The following PARD3B variants were observed in gnomAD, a reference collection of about 807,000 sequenced individuals.
PARD3B encodes the protein partitioning defective 3 homolog B.
Under a neutral mutation model 130.2 loss-of-function variants are expected in PARD3B, and 103 were observed. That is an observed-to-expected ratio of 0.79 (90% CI 0.67 to 0.93). The LOEUF is 0.93. Ranked by LOEUF, PARD3B falls within the 40% of genes least tolerant of loss-of-function variation. The probability of loss-of-function intolerance (pLI) is 0.00; values close to 1 mark genes in which losing one functional copy is unlikely to be tolerated. For missense variants in PARD3B, 1,609 were observed against 1,499.2 expected (o/e 1.07, Z -1.21); for synonymous variants, 583 against 553.2 (o/e 1.05, Z -0.76).
chr2:205,009,528 G>A (rs995823238), intron 3 of PARD3B, among the ~76,000 whole-genome samples: 13 of 151,876 alleles, frequency 8.6e-5, no homozygotes, highest in African/African-American at 1.5e-4. Flanking sequence ...AAAATTAGCC[G>A]GGCATGGTGG....
chr2:204,785,823 AT>A (rs1342516249), intron 2 of PARD3B, among the ~76,000 whole-genome samples: 1 of 152,204 alleles, frequency 6.6e-6, no homozygotes, highest in Non-Finnish European at 1.5e-5. Flanking sequence ...CCATTCAAAT[AT>A]CAAAATGGGT....
chr2:204,821,478 C>T (rs1300612226), intron 2 of PARD3B, among the ~76,000 whole-genome samples: 1 of 144,590 alleles, frequency 6.9e-6, no homozygotes, highest in Non-Finnish European at 1.5e-5. Flanking sequence ...CATATTCTCA[C>T]TCATAGGTGG....
intron 11 of PARD3B, among the ~76,000 whole-genome samples, chr2:205,165,718 C>T (rs988968933): frequency 1.5e-5 from 2 of 133,694 alleles, no homozygotes; most frequent in African/African-American, 5.6e-5. Context: ...GAGACTCTGT[C>T]TCAAAAATAA....
At chr2:205,156,171 C>A (rs2034119236) in intron 10 of PARD3B, among the ~76,000 whole-genome samples, 1 of 146,296 alleles carries the variant, frequency 6.8e-6, no homozygotes, top group African/African-American at 2.5e-5. Context: ...GACAAAAAAC[C>A]AAACACCACA....
Position 205,590,793 on chromosome 2 carries a change from A to G in PARD3B, c.3261-24663A>G, listed in dbSNP as rs1358159072. Among the ~76,000 whole-genome samples, 1 of 152,160 alleles carries G rather than the reference A, an allele frequency of 6.6e-6. No homozygotes were observed. Among genetic ancestry groups the G allele is most frequent in the Non-Finnish European group, 1.5e-5 (1 of 68,032 alleles). ...CCACATATTCACAAGAAGTAGGATG[A>G]GTACCAAATCCCTAAAAAATGTTCT... On this transcript the variant is annotated intron_variant, in intron 22 of 22. Coordinates refer to ENST00000406610, the MANE Select transcript of PARD3B (RefSeq NM_001302769.2). This position sits in a 1 kb window ranked among gnomAD's most constrained non-coding sequence, Gnocchi z 4.1.
At chr2:204,731,576 T>C (rs1400343634) in intron 2 of PARD3B, among the ~76,000 whole-genome samples, 2 of 152,066 alleles carry the variant, frequency 1.3e-5, no homozygotes, top group South Asian at 4.1e-4. Flanking sequence ...AAGGTGAGAG[T>C]TGACTTTTCT....
intron 11 of PARD3B, among the ~76,000 whole-genome samples, chr2:205,162,653 T>C (rs902157227): frequency 3.3e-5 from 5 of 152,254 alleles, no homozygotes; most frequent in African/African-American, 1.2e-4. Context: ...TGAGAATGAT[T>C]TTCTAAAATG....
intron 2 of PARD3B, among the ~76,000 whole-genome samples, chr2:204,888,767 G>A (rs2046349619): frequency 6.7e-6 from 1 of 149,470 alleles, no homozygotes; most frequent in Non-Finnish European, 1.5e-5. Flanking sequence ...GAGGGACCAA[G>A]ATGAGGAGGC....
At chr2:205,370,854 CT>C (rs10708429) in intron 18 of PARD3B, among the ~76,000 whole-genome samples, 2,906 of 152,230 alleles carry the variant, frequency 0.019, 84 homozygotes, top group African/African-American at 0.066. Flanking sequence ...TTTGCCTTGG[CT>C]TGACAGCTGT....
At chr2:205,152,706 C>T (rs1431634480) in intron 10 of PARD3B, among the ~76,000 whole-genome samples, 2 of 152,138 alleles carry the variant, frequency 1.3e-5, no homozygotes, top group East Asian at 3.9e-4. Context: ...CGAATATCCT[C>T]CTTTAGCTCG....
intron 2 of PARD3B, among the ~76,000 whole-genome samples, chr2:204,848,984 G>A (rs1306863385): frequency 6.6e-6 from 1 of 151,994 alleles, no homozygotes; most frequent in Non-Finnish European, 1.5e-5. Context: ...CTCTTGTTAA[G>A]ATTCTTTAAG....
intron 2 of PARD3B, among the ~76,000 whole-genome samples, chr2:204,715,377 T>G (rs767082766): frequency 9.2e-5 from 14 of 152,172 alleles, no homozygotes; most frequent in Non-Finnish European, 1.9e-4. Context: ...GGTGGATTCT[T>G]TTTCCTGTAG....
chr2:204,856,508 G>C, intron 2 of PARD3B, among the ~76,000 whole-genome samples: 1 of 152,066 alleles, frequency 6.6e-6, no homozygotes, highest in Admixed American at 6.5e-5. Context: ...TCTGTTAACT[G>C]TTTCCTTTGT....
chr2:205,178,948 T>C (rs1200970578), intron 13 of PARD3B, among the ~76,000 whole-genome samples: 4 of 152,178 alleles, frequency 2.6e-5, no homozygotes, highest in African/African-American at 9.7e-5. Flanking sequence ...GCAGTTCCTT[T>C]AGGAGGTATC....
intron 18 of PARD3B, among the ~76,000 whole-genome samples, chr2:205,379,457 A>C (rs1307418865): frequency 1.3e-5 from 2 of 152,018 alleles, no homozygotes; most frequent in Non-Finnish European, 2.9e-5. Flanking sequence ...GATGAAGTCT[A>C]ATATTATTAT....
chr2:205,599,053 G>A (rs1038818415), intron 22 of PARD3B, among the ~76,000 whole-genome samples: 3 of 151,950 alleles, frequency 2.0e-5, no homozygotes, highest in Non-Finnish European at 4.4e-5. Context: ...CACACCTACA[G>A]GAATTAGAAA....
At chr2:205,214,552 C>T (rs1044349036) in intron 15 of PARD3B, among the ~76,000 whole-genome samples, 1 of 151,704 alleles carries the variant, frequency 6.6e-6, no homozygotes, top group South Asian at 2.1e-4. Flanking sequence ...GAGAATATTC[C>T]ATTCCAAATG....
At chr2:205,077,005 T>C (rs2125500998) in intron 4 of PARD3B, among the ~76,000 whole-genome samples, 1 of 152,306 alleles carries the variant, frequency 6.6e-6, no homozygotes, top group Non-Finnish European at 1.5e-5. Context: ...ATAGAAGACA[T>C]TGTGAGAAAT....
intron 2 of PARD3B, among the ~76,000 whole-genome samples, chr2:204,873,601 G>T (rs1040339083): frequency 7.9e-5 from 12 of 152,176 alleles, no homozygotes; most frequent in Non-Finnish European, 1.2e-4. Context: ...TTGAGGGTAG[G>T]CAAACAGTAC....
Sources: gnomAD v4.1 joint callset for allele counts (sites outside exome capture counted in the v4.1 genomes callset) on GRCh38, gnomAD v4.1.1 for gene constraint, Gnocchi (gnomAD v3.1) non-coding constraint, MANE v1.5 for transcripts, NCBI Gene and HGNC (gene_info 2026-07-23, HGNC 2026-07-21) for gene names.